ALKAL1: variants seen among roughly 807,000 people sequenced by gnomAD.
ALKAL1 encodes the protein ALK and LTK ligand 1.
Under a neutral mutation model 13.5 loss-of-function variants are expected in ALKAL1, and 23 were observed. The observed-to-expected ratio is 1.70, with a 90% confidence interval of 1.23 to 2.41. ALKAL1 has a LOEUF of 2.41. Ranked by LOEUF, ALKAL1 falls within the 30% of genes most tolerant of loss-of-function variation. The probability of loss-of-function intolerance (pLI) is 0.00; values close to 1 mark genes in which losing one functional copy is unlikely to be tolerated. For missense variants in ALKAL1, 181 were observed against 178.4 expected (o/e 1.01, Z -0.08); for synonymous variants, 85 against 77.7 (o/e 1.09, Z -0.49).
At chr8:52,540,461 C>G (rs890761607) in intron 2 of ALKAL1, among the ~76,000 whole-genome samples, 4 of 152,100 alleles carry the variant, frequency 2.6e-5, no homozygotes, top group African/African-American at 9.7e-5. Context: ...CCGGATGGCT[C>G]GTGTCTGTAA....
chr8:52,551,118 T>C (rs1477365960), intron 1 of ALKAL1, among the ~76,000 whole-genome samples: 1 of 152,156 alleles, frequency 6.6e-6, no homozygotes, highest in Non-Finnish European at 1.5e-5. Context: ...ATGACTTATT[T>C]ACAAAATTTC....
chr8:52,551,306 T>C (rs1159747842), intron 1 of ALKAL1, among the ~76,000 whole-genome samples: 1 of 152,058 alleles, frequency 6.6e-6, no homozygotes, highest in African/African-American at 2.4e-5. Context: ...TTATTTTTAT[T>C]TTTTTAGAGA....
intron 3 of ALKAL1, among the ~76,000 whole-genome samples, chr8:52,538,910 CTTAT>C (rs903346420): frequency 6.6e-5 from 10 of 151,112 alleles, no homozygotes; most frequent in African/African-American, 2.2e-4. Flanking sequence ...TATTTATTTA[CTTAT>C]TTATTTATTT....
chr8:52,554,113 A>G (rs1847456625), intron 1 of ALKAL1, among the ~76,000 whole-genome samples: 2 of 152,254 alleles, frequency 1.3e-5, no homozygotes. Flanking sequence ...AATCCCAGCT[A>G]CTCGGGAGGC....
chr8:52,542,029 C>T (rs1249500267), intron 2 of ALKAL1, among the ~76,000 whole-genome samples: 1 of 152,116 alleles, frequency 6.6e-6, no homozygotes, highest in Non-Finnish European at 1.5e-5. Context: ...AAACCACACC[C>T]GGTGTCTTCA....
intron 2 of ALKAL1, among the ~76,000 whole-genome samples, chr8:52,541,135 A>T (rs771979873): frequency 1.2e-4 from 18 of 152,214 alleles, no homozygotes; most frequent in African/African-American, 1.9e-4. Context: ...CAAAGTTGAT[A>T]TGAAGAACCA....
chr8:52,562,852 C>G lies in ALKAL1; in HGVS notation c.190+2215G>C, dbSNP rs569438077. Among the ~76,000 whole-genome samples, 13 of 152,210 alleles carry G rather than the reference C, an allele frequency of 8.5e-5. No individual in the cohort carries two copies. In the East Asian group the frequency reaches 2.5e-3, roughly 29 times the overall value. Reference sequence around the variant, plus strand: ...TTTTCCTCCTGAATGAACGATAACCCCTGCCACCTGCTGAGTGCACCCCGT... The same window carrying G: ...TTTTCCTCCTGAATGAACGATAACCGCTGCCACCTGCTGAGTGCACCCCGT... On this transcript the variant is annotated intron_variant, in intron 1 of 4. Transcript: ENST00000358543.
chr8:52,554,572 T>C (rs1249744850), intron 1 of ALKAL1, among the ~76,000 whole-genome samples: 4 of 152,070 alleles, frequency 2.6e-5, no homozygotes, highest in African/African-American at 9.7e-5. Context: ...TAGAAAAGGG[T>C]CAAGTTTGAG....
chr8:52,556,964 A>G (rs184223668), intron 1 of ALKAL1, among the ~76,000 whole-genome samples: 1 of 152,306 alleles, frequency 6.6e-6, no homozygotes, highest in Admixed American at 6.5e-5. Flanking sequence ...TATGACTCCT[A>G]CCCTGCTTTG....
At chr8:52,565,033 G>A in intron 1 of ALKAL1, 34 bp downstream of exon 1, 1 of 1,339,888 alleles carries the variant, frequency 7.5e-7, no homozygotes, top group Non-Finnish European at 9.6e-7. Context: ...CCCAGGCGCA[G>A]GGCAAAGGAT....
intron 4 of ALKAL1, among the ~76,000 whole-genome samples, chr8:52,535,757 CACTTTTAAA>C (rs1847260837): frequency 6.6e-6 from 1 of 152,078 alleles, no homozygotes; most frequent in African/African-American, 2.4e-5. Flanking sequence ...GTGTAATAAT[CACTTTTAAA>C]ATAAGACTAA....
intron 1 of ALKAL1, among the ~76,000 whole-genome samples, chr8:52,560,800 G>GC (rs2150348289): frequency 1.3e-5 from 2 of 152,250 alleles, no homozygotes; most frequent in South Asian, 4.1e-4. Flanking sequence ...CTAGCTAGCA[G>GC]CCCCATGCCC....
chr8:52,558,557 C>T (rs1045040108), intron 1 of ALKAL1, among the ~76,000 whole-genome samples: 3 of 151,994 alleles, frequency 2.0e-5, no homozygotes, highest in African/African-American at 7.2e-5. Flanking sequence ...CCTCAGCCCT[C>T]CTCTGTTCAC....
chr8:52,565,006 A>C, intron 1 of ALKAL1, 61 bp downstream of exon 1: 1 of 1,271,484 alleles, frequency 7.9e-7, no homozygotes, highest in Non-Finnish European at 1.0e-6. Context: ...CCCAGCTCCT[A>C]GGGGAATCCA....
intron 1 of ALKAL1, among the ~76,000 whole-genome samples, 175 bp from the exon 2 acceptor site, chr8:52,542,620 C>G (rs541781882): frequency 1.3e-5 from 2 of 152,338 alleles, no homozygotes; most frequent in Admixed American, 1.3e-4. Flanking sequence ...TCCAAAACTG[C>G]AGTACAACTC....
chr8:52,551,663 T>C (rs902273823), intron 1 of ALKAL1, among the ~76,000 whole-genome samples: 13 of 152,042 alleles, frequency 8.6e-5, no homozygotes, highest in Non-Finnish European at 1.3e-4. Context: ...TTTAAAGTTT[T>C]TGTAGCAGTG....
At position 52,565,103 on chromosome 8, in the gene ALKAL1, C is replaced by G. The variant is rs936794253; in HGVS notation, c.154G>C (p.Gly52Arg). ...GAGCCGCTGGGAGTCCGGCCGGCCC[C>G]GGCCGCGGGGAGGAAAAGCAACGGC... is the stretch of plus-strand genomic sequence containing the variant. ...PKPLLFLPAAGAGRTPSGSRS... is the reference protein window; with the variant it reads ...PKPLLFLPAARAGRTPSGSRS... Residue 52 changes from glycine (G) to arginine (R), a missense_variant, in exon 1 of 5, where the codon GGG (glycine) becomes CGG (arginine). By Grantham distance (125) the Gly-to-Arg change is moderately radical. Transcript: ENST00000358543. 38 of 1,414,866 alleles carry G rather than the reference C, an allele frequency of 2.7e-5. No homozygotes were observed. The highest frequency in any genetic ancestry group is 3.5e-5 in the Non-Finnish European group (38 of 1,079,076). The allele number at this position is 1,414,866 out of a possible 1,614,324, so 87.6% of individuals were successfully genotyped here.
Position 52,542,451 on chromosome 8 carries a change from AAG to A in ALKAL1, c.191-8_191-7del, listed in dbSNP as rs1847323615. The stretch of plus-strand genomic sequence containing the variant: ...AGAGTCTCTTGGGAATATTTCTGAA[AAG>A]AAAAAAAAAACCATCAGAATTTATT... On this transcript the variant is annotated splice_polypyrimidine_tract_variant and splice_region_variant and intron_variant, in intron 1 of 4. Coordinates refer to ENST00000358543, the MANE Select transcript of ALKAL1 (RefSeq NM_207413.4). 6.7e-7 allele frequency: 1 copy of A among 1,495,234 alleles called. No individual in the cohort carries two copies. The highest frequency in any genetic ancestry group is 1.4e-5 in the African/African-American group (1 of 70,796). The allele number at this position is 1,495,234 out of a possible 1,614,324, so 92.6% of individuals were successfully genotyped here.
At chr8:52,559,607 G>A (rs748720833) in intron 1 of ALKAL1, among the ~76,000 whole-genome samples, 3 of 152,174 alleles carry the variant, frequency 2.0e-5, no homozygotes, top group Non-Finnish European at 4.4e-5. Context: ...TATATCCAGG[G>A]TGAAGTCCAA....
Sources: allele counts gnomAD v4.1 joint callset (sites outside exome capture counted in the v4.1 genomes callset), GRCh38; gene constraint gnomAD v4.1.1; transcripts MANE v1.5; gene names NCBI Gene and HGNC (gene_info 2026-07-23, HGNC 2026-07-21).